Variants in KLKB1 observed in about 807,000 individuals in gnomAD.
The protein encoded by KLKB1 is kallikrein B1.
A neutral mutation model predicts 73.6 loss-of-function variants in KLKB1; 58 were observed. The ratio of observed to expected loss-of-function variants is 0.79; its 90% CI spans 0.64 to 0.98. The LOEUF is 0.98. KLKB1 is among the 50% of genes least tolerant of loss of function. KLKB1 has a pLI of 0.00. For synonymous variants in KLKB1, 280 were observed against 258.1 expected (o/e 1.08, Z -0.81); for missense variants, 737 against 763.8 (o/e 0.96, Z 0.41).
At chr4:186,243,868 G>A (rs1396144385) in intron 6 of KLKB1, among the ~76,000 whole-genome samples, 1 of 152,194 alleles carries the variant, frequency 6.6e-6, no homozygotes, top group Non-Finnish European at 1.5e-5. Flanking sequence ...TGCCTTTGCT[G>A]GTGAGTGGTG....
intron 6 of KLKB1, among the ~76,000 whole-genome samples, chr4:186,240,773 G>T (rs901516429): frequency 1.3e-5 from 2 of 152,164 alleles, no homozygotes; most frequent in Non-Finnish European, 2.9e-5. Context: ...CACGTGTACT[G>T]GTGATTTAAT....
At chr4:186,242,045 C>A (rs1209264431) in intron 6 of KLKB1, among the ~76,000 whole-genome samples, 1 of 151,960 alleles carries the variant, frequency 6.6e-6, no homozygotes, top group Non-Finnish European at 1.5e-5. Flanking sequence ...CAGGCTGAGT[C>A]CGAAAAGAGA....
At chr4:186,220,544 G>A (rs1579986087) in intron 2 of KLKB1, among the ~76,000 whole-genome samples, 2 of 152,128 alleles carry the variant, frequency 1.3e-5, no homozygotes, top group African/African-American at 4.8e-5. Flanking sequence ...TTTAGATTCT[G>A]CATGTAGTTG....
intron 13 of KLKB1, among the ~76,000 whole-genome samples, chr4:186,256,431 C>T (rs1580046289): frequency 6.6e-6 from 1 of 152,298 alleles, no homozygotes; most frequent in Middle Eastern, 3.4e-3. Flanking sequence ...CATGTTCTCC[C>T]TTGATGCTAA....
chr4:186,233,619 C>A (rs550182522), intron 3 of KLKB1, among the ~76,000 whole-genome samples: 1 of 152,274 alleles, frequency 6.6e-6, no homozygotes, highest in South Asian at 2.1e-4. Flanking sequence ...ACTAAGTTAA[C>A]TTTTTAAGTA....
intron 2 of KLKB1, among the ~76,000 whole-genome samples, chr4:186,216,839 A>G (rs1212877915): frequency 6.6e-6 from 1 of 152,222 alleles, no homozygotes; most frequent in Non-Finnish European, 1.5e-5. Context: ...TGCTGACCGC[A>G]GAGGAAAACT....
chr4:186,245,824 GT>G (rs1402408736), intron 6 of KLKB1, among the ~76,000 whole-genome samples: 8 of 109,986 alleles, frequency 7.3e-5, no homozygotes, highest in Non-Finnish European at 7.9e-5. Context: ...TTGTTTTTTG[GT>G]TTTTTTTTTT....
At chr4:186,248,795 A>G (rs887691042) in intron 6 of KLKB1, among the ~76,000 whole-genome samples, 1 of 152,144 alleles carries the variant, frequency 6.6e-6, no homozygotes, top group African/African-American at 2.4e-5. Context: ...TCTTACCAGC[A>G]ACAATTGAGG....
intron 2 of KLKB1, among the ~76,000 whole-genome samples, chr4:186,214,882 C>T (rs1165375728): frequency 2.0e-5 from 3 of 152,192 alleles, no homozygotes; most frequent in East Asian, 1.9e-4. Context: ...AGCTGTTGAT[C>T]TTGTTCTCTT....
intron 6 of KLKB1, among the ~76,000 whole-genome samples, chr4:186,240,806 T>G (rs1737997659): frequency 1.3e-5 from 2 of 152,182 alleles, no homozygotes; most frequent in South Asian, 4.1e-4. Context: ...ATTATTTTTT[T>G]CTGGGAGAGT....
chr4:186,244,255 T>C (rs959167959), intron 6 of KLKB1, among the ~76,000 whole-genome samples: 2 of 107,346 alleles, frequency 1.9e-5, no homozygotes, highest in African/African-American at 4.1e-5. Context: ...GTTTATATAA[T>C]GGTTTAGTCA....
chr4:186,245,802 G>GTTT lies in KLKB1; in HGVS notation c.599-4434_599-4432dup, dbSNP rs755207618. On this transcript the variant is annotated intron_variant, in intron 6 of 14. Transcript: ENST00000264690. Reference sequence around the variant, plus strand: ...TGAGGGCTGGAATCTAATTTTTGGAGTTTTTTTTTGTTTGTTTTTTGGTTT... The same window carrying GTTT: ...TGAGGGCTGGAATCTAATTTTTGGAGTTTTTTTTTTTTGTTTGTTTTTTGGTTT... 3.8e-4 allele frequency among the ~76,000 whole-genome samples: 21 copies of GTTT among 54,932 alleles called. 2 individuals are homozygous for GTTT. The East Asian group carries it at 0.013, about 35-fold the overall frequency. 36.0% of individuals were successfully genotyped at this position (54,932 alleles called of 152,430 possible).
chr4:186,257,478 T>C, intron 14 of KLKB1, 113 bp downstream of exon 14: 3 of 867,476 alleles, frequency 3.5e-6, no homozygotes, highest in Non-Finnish European at 5.0e-6. Context: ...CAGAGACAAA[T>C]GATCTGATAA....
chr4:186,240,239 G>C (rs1416610369), intron 6 of KLKB1, among the ~76,000 whole-genome samples: 2 of 151,844 alleles, frequency 1.3e-5, no homozygotes, highest in African/African-American at 4.8e-5. Flanking sequence ...TATAGTTATA[G>C]GACAGTGATG....
chr4:186,226,785 G>C (rs1737183135), upstream of KLKB1, among the ~76,000 whole-genome samples: 3 of 152,186 alleles, frequency 2.0e-5, no homozygotes, highest in Non-Finnish European at 4.4e-5. Context: ...CCTGGTGCTG[G>C]ATCTGCAGGG....
intron 2 of KLKB1, among the ~76,000 whole-genome samples, chr4:186,214,802 C>T (rs1736840046): frequency 6.6e-6 from 1 of 152,192 alleles, no homozygotes; most frequent in Admixed American, 6.5e-5. Flanking sequence ...GCCTCAGTTT[C>T]TTGTCCAGAA....
chr4:186,222,213 A>T (rs867443688), upstream of KLKB1, among the ~76,000 whole-genome samples: 53 of 152,310 alleles, frequency 3.5e-4, no homozygotes, highest in African/African-American at 1.2e-3. Flanking sequence ...TTATTCACTC[A>T]TCCACTCTCT....
chr4:186,237,128 G>A (rs756050370), intron 5 of KLKB1, among the ~76,000 whole-genome samples, 188 bp downstream of exon 5: 4 of 151,312 alleles, frequency 2.6e-5, no homozygotes, highest in South Asian at 2.1e-4. Flanking sequence ...AGATGGAGTC[G>A]CGCTCTGTCG....
rs1308001724 is a variant in KLKB1, at chr4:186,228,299, G to T, written c.58+46G>T. ...ACATGGAATTCAGGCTAAGACAGGA[G>T]TAGCCAAGCAAGTGGCACCACCCCT... On this transcript the variant is annotated intron_variant, in intron 2 of 14. Coordinates refer to ENST00000264690, the MANE Select transcript of KLKB1 (RefSeq NM_000892.5). The T allele has an allele frequency of 3.9e-6, 5 of 1,297,546 alleles. No homozygotes were observed. In the East Asian group the frequency reaches 1.2e-4, roughly 30 times the overall value. The allele number at this position is 1,297,546 out of a possible 1,614,324, so 80.4% of individuals were successfully genotyped here.
Sources: gnomAD v4.1 joint callset for allele counts (sites outside exome capture counted in the v4.1 genomes callset) on GRCh38, gnomAD v4.1.1 for gene constraint, MANE v1.5 for transcripts, NCBI Gene and HGNC (gene_info 2026-07-23, HGNC 2026-07-21) for gene names.